Variants in ADGRB1 observed in about 807,000 individuals in gnomAD.
ADGRB1 encodes the protein adhesion G protein-coupled receptor B1, also known as brain-specific angiogenesis inhibitor 1.
Under a neutral mutation model 175.7 loss-of-function variants are expected in ADGRB1, and 36 were observed. That is an observed-to-expected ratio of 0.20 (90% CI 0.16 to 0.27). The LOEUF (loss-of-function observed/expected upper bound fraction) is 0.27, where lower values mean the gene tolerates loss of function less well. ADGRB1 is among the 10% of genes least tolerant of loss of function. The pLI, the probability that ADGRB1 is intolerant of heterozygous loss-of-function variation, is 1.00. For synonymous variants in ADGRB1, 1,054 were observed against 979.4 expected (o/e 1.08, Z -1.42); for missense variants, 1,731 against 2,255.3 (o/e 0.77, Z 4.71).
chr8:142,540,534 A>T (rs1047721320), intron 27 of ADGRB1, among the ~76,000 whole-genome samples: 3 of 5,450 alleles, frequency 5.5e-4, no homozygotes, highest in Non-Finnish European at 1.1e-3. Context: ...TCAGAGCGGG[A>T]GGGTGGGCGG....
chr8:142,498,932 C>T (rs991086521), intron 17 of ADGRB1, among the ~76,000 whole-genome samples: 7 of 152,208 alleles, frequency 4.6e-5, no homozygotes, highest in Admixed American at 6.5e-5. Flanking sequence ...CTCTGTGCCA[C>T]TGCCTCCCCG....
rs953215493 is a variant in ADGRB1 at position 142,492,218 on chromosome 8, C to T, written c.2675+1403C>T. On this transcript the variant is annotated intron_variant, in intron 17 of 30. Coordinates refer to ENST00000517894, the MANE Select transcript of ADGRB1 (RefSeq NM_001702.3). The surrounding 1 kb of genome is among the most constrained non-coding windows in gnomAD (Gnocchi z 4.4). ...CACCTTCTACCCACCACCCATCCAC[C>T]GCTCCTCCGTCCGCCTGTTCTTTAA... Among the ~76,000 whole-genome samples, 2 of 152,294 alleles carry T rather than the reference C, an allele frequency of 1.3e-5. No homozygotes were observed. Among genetic ancestry groups the T allele is most frequent in the Non-Finnish European group, 2.9e-5 (2 of 68,022 alleles).
rs775793130 is a variant in ADGRB1 at position 142,477,376 on chromosome 8, C to T, written c.1223-9C>T. Reference sequence around the variant, plus strand: ...GCAGTGGGCAGCAGCACCTTCCGTCCCTCTGCAGTGCATGGTGCCTGGGAT... The same window carrying T: ...GCAGTGGGCAGCAGCACCTTCCGTCTCTCTGCAGTGCATGGTGCCTGGGAT... On this transcript the variant is annotated splice_polypyrimidine_tract_variant and intron_variant, in intron 5 of 30. Coordinates refer to ENST00000517894, the MANE Select transcript of ADGRB1 (RefSeq NM_001702.3). 36 of 1,595,472 alleles carry T rather than the reference C, an allele frequency of 2.3e-5. No individual in the cohort carries two copies. Among genetic ancestry groups the T allele is most frequent in the Non-Finnish European group, 3.1e-5 (36 of 1,175,154 alleles).
intron 17 of ADGRB1, among the ~76,000 whole-genome samples, chr8:142,503,190 C>A (rs1247535387): frequency 6.6e-6 from 1 of 152,018 alleles, no homozygotes; most frequent in African/African-American, 2.4e-5. Context: ...GTTAAGGAAC[C>A]AGAGCCCAGC....
At chr8:142,517,556 CAG>C (rs1320220854) in intron 18 of ADGRB1, among the ~76,000 whole-genome samples, 1 of 150,556 alleles carries the variant, frequency 6.6e-6, no homozygotes, top group African/African-American at 2.5e-5. Flanking sequence ...GGAGGTGACA[CAG>C]AGTCACCTGC....
intron 23 of ADGRB1, among the ~76,000 whole-genome samples, chr8:142,525,965 C>CG (rs920457365): frequency 1.3e-5 from 2 of 152,116 alleles, no homozygotes; most frequent in African/African-American, 4.8e-5. Flanking sequence ...AGTGGCTTCC[C>CG]GGGGGTGCTC....
chr8:142,544,095 T>C, intron 30 of ADGRB1, 125 bp from the exon 31 acceptor site: 3 of 1,020,420 alleles, frequency 2.9e-6, no homozygotes, highest in Non-Finnish European at 2.8e-6. Flanking sequence ...TCCTGTCCCC[T>C]GTCCCCTGTC....
chr8:142,476,757 A>G lies in ADGRB1; in HGVS notation c.1057+62A>G, dbSNP rs139130239. 2.9e-4 allele frequency: 412 copies of G among 1,423,828 alleles called. 1 individual carries two copies. Among genetic ancestry groups the G allele is most frequent in the South Asian group, 2.9e-4 (22 of 76,242 alleles). The allele number at this position is 1,423,828 out of a possible 1,614,324, so 88.2% of individuals were successfully genotyped here. A position where few individuals can be genotyped will look rare whatever the true frequency, so the allele number is the denominator to read the frequency against. On this transcript the variant is annotated intron_variant, in intron 4 of 30. Coordinates refer to ENST00000517894, the MANE Select transcript of ADGRB1 (RefSeq NM_001702.3). ...TTTGGGAAAATACTGTAAGTTATCA[A>G]TTGCAGCTAGTTATGGGTAGTAACT...
At chr8:142,502,420 A>G (rs79824362) in intron 17 of ADGRB1, among the ~76,000 whole-genome samples, 264 of 2,040 alleles carry the variant, frequency 0.13, 1 homozygote, top group East Asian at 0.15. Flanking sequence ...GGTGGTGGTG[A>G]TGGTGGTGGT....
Position 142,544,391 on chromosome 8 carries a change from A to G in ADGRB1, c.4729A>G (p.Ile1577Val), listed in dbSNP as rs1845469316. ...CACGATCCCGCTGGTGGGCCAGGAC[A>G]TCATCGACCTCCAGACCGAGGTCTG... is the stretch of plus-strand genomic sequence containing the variant. The part of the protein sequence containing the change: ...GATIPLVGQD[I>V]IDLQTEV The change falls in exon 31 of 31, where the codon ATC becomes GTC. Residue 1577 changes from isoleucine to valine, a missense_variant. Physicochemically the swap from Ile to Val is conservative, Grantham distance 29. Coordinates refer to ENST00000517894, the MANE Select transcript of ADGRB1 (RefSeq NM_001702.3). 1.3e-6 allele frequency: 2 copies of G among 1,514,416 alleles called. No individual in the cohort carries two copies. The highest frequency in any genetic ancestry group is 1.8e-6 in the Non-Finnish European group (2 of 1,128,526). The allele number at this position is 1,514,416 out of a possible 1,614,324, so 93.8% of individuals were successfully genotyped here.
intron 17 of ADGRB1, among the ~76,000 whole-genome samples, chr8:142,508,170 AAATAAACTCAGCC>A (rs1395326192): frequency 1.3e-5 from 2 of 152,298 alleles, no homozygotes; most frequent in Admixed American, 6.5e-5. Context: ...CCAAGCCAGG[AAATAAACTCAGCC>A]AATGCAGGTT....
In ADGRB1 at chr8:142,516,488, C is replaced by T. The variant is rs377684799; in HGVS notation, c.2818-1650C>T. 1.4e-3 allele frequency among the ~76,000 whole-genome samples: 160 copies of T among 118,030 alleles called. 2 individuals carry two copies. The highest frequency in any genetic ancestry group is 9.1e-3 in the Middle Eastern group (1 of 110). The allele number at this position is 118,030 out of a possible 152,430, so 77.4% of individuals were successfully genotyped here. On this transcript the variant is annotated intron_variant, in intron 18 of 30. Coordinates refer to ENST00000517894, the MANE Select transcript of ADGRB1 (RefSeq NM_001702.3). Reference sequence around the variant, plus strand: ...CCCCAGATGTGTGTGTGTGCGCGCGCGTGTGTGCGGGCCCCAGGTGCGTGC... The same window carrying T: ...CCCCAGATGTGTGTGTGTGCGCGCGTGTGTGTGCGGGCCCCAGGTGCGTGC...
chr8:142,489,463 C>T, intron 16 of ADGRB1, 25 bp downstream of exon 16: 1 of 1,604,526 alleles, frequency 6.2e-7, no homozygotes, highest in Non-Finnish European at 8.5e-7. Flanking sequence ...CGTGCACACT[C>T]TGATGCCAGC....
At chr8:142,528,455 G>T (rs967195003) in intron 24 of ADGRB1, among the ~76,000 whole-genome samples, 17 of 152,196 alleles carry the variant, frequency 1.1e-4, no homozygotes, top group Non-Finnish European at 2.4e-4. Flanking sequence ...CTCCTGAGGG[G>T]CTGGTTTTGC....
Position 142,522,852 on chromosome 8 carries a change from A to G in ADGRB1, c.3245+142A>G, listed in dbSNP as rs971851698. 1.6e-5 allele frequency: 15 copies of G among 962,654 alleles called. No individual in the cohort carries two copies. In the African/African-American group the frequency reaches 2.2e-4, roughly 14 times the overall value. The allele number at this position is 962,654 out of a possible 1,614,324, so 59.6% of individuals were successfully genotyped here. A position where few individuals can be genotyped will look rare whatever the true frequency, so the allele number is the denominator to read the frequency against. On this transcript the variant is annotated intron_variant, in intron 22 of 30. Coordinates refer to ENST00000517894, the MANE Select transcript of ADGRB1 (RefSeq NM_001702.3). ...AGAGGCTCAGGGAGGGTGGGGCCCC[A>G]GGGGCTGGAGGCTGAGCCCCTTGGG...
chr8:142,489,489 C>T lies in ADGRB1; in HGVS notation c.2631+51C>T, dbSNP rs73714307. ...TGATGCCAGCAGAAACGCGTGTGCG[C>T]GAATTCTGTCCCACTCCTCAGCCAC... On this transcript the variant is annotated intron_variant, in intron 16 of 30. Coordinates refer to ENST00000517894, the MANE Select transcript of ADGRB1 (RefSeq NM_001702.3). The T allele has an allele frequency of 5.9e-4, 930 of 1,569,008 alleles. 7 individuals carry two copies. The African/African-American group carries it at 9.5e-3, about 16-fold the overall frequency.
At chr8:142,533,569 G>A in intron 25 of ADGRB1, 103 bp downstream of exon 25, 1 of 1,361,516 alleles carries the variant, frequency 7.3e-7, no homozygotes, top group Admixed American at 2.3e-5. Flanking sequence ...TTGTGGGTAG[G>A]CGCAGCATCC....
intron 19 of ADGRB1, among the ~76,000 whole-genome samples, chr8:142,520,296 T>A (rs547799599): frequency 6.7e-6 from 1 of 149,802 alleles, no homozygotes; most frequent in Non-Finnish European, 1.5e-5. Flanking sequence ...GTGATGATGA[T>A]AGTGGTGCTG....
Position 142,543,939 on chromosome 8 carries a change from G to T in ADGRB1, c.4557+231G>T, listed in dbSNP as rs1396263963. Among the ~76,000 whole-genome samples the T allele has an allele frequency of 6.6e-6, 1 of 152,118 alleles. No individual in the cohort carries two copies. Among genetic ancestry groups the T allele is most frequent in the Non-Finnish European group, 1.5e-5 (1 of 68,008 alleles). On this transcript the variant is annotated intron_variant, in intron 30 of 30. Transcript: ENST00000517894. This position sits in a 1 kb window ranked among gnomAD's most constrained non-coding sequence, Gnocchi z 4.4. ...TCACGAGCCTGCTCCTGGGGCCAGG[G>T]GTCTGGATTGGGGTGGAGCCAATCC...
Sources: allele counts gnomAD v4.1 joint callset (sites outside exome capture counted in the v4.1 genomes callset), GRCh38; gene constraint gnomAD v4.1.1; non-coding constraint Gnocchi (gnomAD v3.1); transcripts MANE v1.5; gene names NCBI Gene and HGNC (gene_info 2026-07-23, HGNC 2026-07-21).